Variants in RANBP2 observed in about 807,000 individuals in gnomAD.
The protein encoded by RANBP2 is RAN binding protein 2, also known as E3 SUMO-protein ligase RanBP2.
RANBP2 carries 57 observed loss-of-function variants against 303.6 expected under a neutral mutation model. The observed-to-expected ratio is 0.19, with a 90% CI of 0.15 to 0.23. The LOEUF is 0.23. Among genes scored for constraint, RANBP2 ranks in the 10% least tolerant of loss-of-function variants. RANBP2 has a pLI of 1.00. For missense variants in RANBP2, 3,138 were observed against 3,780.8 expected, an observed-to-expected ratio of 0.83 and a Z score of 4.46; for synonymous variants, 1,167 against 1,301.5, an observed-to-expected ratio of 0.90 and a Z score of 2.23.
chr2:109,621,648 C>T, the RANBP2 span, among the ~76,000 whole-genome samples: 5 of 151,974 alleles, frequency 3.3e-5, no homozygotes, highest in Non-Finnish European at 5.9e-5. Context: ...GTGCGGTGGC[C>T]TACACCTGTA....
chr2:109,703,024 G>T, the RANBP2 span, among the ~76,000 whole-genome samples: 1 of 152,074 alleles, frequency 6.6e-6, no homozygotes, highest in Non-Finnish European at 1.5e-5. Context: ...ATTTGGGGGT[G>T]GGGGCTAGGA....
the RANBP2 span, among the ~76,000 whole-genome samples, chr2:108,994,399 C>T: frequency 2.0e-5 from 3 of 152,278 alleles, no homozygotes; most frequent in African/African-American, 4.8e-5. Flanking sequence ...AATTGATCCT[C>T]GCTGAGAATG....
chr2:109,723,980 G>A, the RANBP2 span, among the ~76,000 whole-genome samples: 152 of 152,222 alleles, frequency 1.0e-3, 1 homozygote, highest in Non-Finnish European at 1.9e-3. Context: ...TCAATTTTCT[G>A]CTTATGGCTA....
the RANBP2 span, among the ~76,000 whole-genome samples, chr2:109,132,759 GT>G: frequency 6.6e-6 from 1 of 152,168 alleles, no homozygotes; most frequent in Non-Finnish European, 1.5e-5. Context: ...AGGCTAACTT[GT>G]TTGTTTATTG....
At position 108,755,038 on chromosome 2, in the gene RANBP2, C is replaced by G. The variant is rs780643942; in HGVS notation, c.2336C>G (p.Thr779Arg). ...GCAGATTCAGAAATAAAACATTCTACACCGTCTCCTACCAGATATTCACTA... is the reference window on the plus strand; with the variant it reads ...GCAGATTCAGAAATAAAACATTCTAGACCGTCTCCTACCAGATATTCACTA... ...RNADSEIKHSTPSPTRYSLSP... is the reference protein window; with the variant it reads ...RNADSEIKHSRPSPTRYSLSP... The change falls in exon 16 of 29, where the codon ACA becomes AGA. Residue 779 changes from threonine to arginine, a missense_variant. By Grantham distance (71) the Thr-to-Arg change is moderately conservative. Transcript: ENST00000283195. 1.2e-6 allele frequency: 2 copies of G among 1,611,924 alleles called. No individual in the cohort carries two copies. Among genetic ancestry groups the G allele is most frequent in the South Asian group, 2.2e-5 (2 of 90,988 alleles).
chr2:109,180,121 T>G, the RANBP2 span, among the ~76,000 whole-genome samples: 1 of 151,882 alleles, frequency 6.6e-6, no homozygotes, highest in African/African-American at 2.4e-5. Flanking sequence ...AGGAGAAGTT[T>G]TTTTTTTTTT....
At chr2:109,337,176 A>G in the RANBP2 span, among the ~76,000 whole-genome samples, 2 of 152,066 alleles carry the variant, frequency 1.3e-5, no homozygotes, top group Non-Finnish European at 2.9e-5. Flanking sequence ...TCATAGGGTG[A>G]TTTTTTCCTG....
chr2:109,624,160 T>A, the RANBP2 span, among the ~76,000 whole-genome samples: 1 of 152,124 alleles, frequency 6.6e-6, no homozygotes, highest in Non-Finnish European at 1.5e-5. Context: ...TACAAAATTG[T>A]TCTGAGATAA....
the RANBP2 span, among the ~76,000 whole-genome samples, chr2:109,225,114 A>G: frequency 0.16 from 24,665 of 152,068 alleles, 3,955 homozygotes; most frequent in African/African-American, 0.4. Flanking sequence ...TGACACCAGC[A>G]CAGTCCCTTA....
the RANBP2 span, among the ~76,000 whole-genome samples, chr2:109,520,282 T>C: frequency 6.6e-6 from 1 of 151,832 alleles, no homozygotes; most frequent in Non-Finnish European, 1.5e-5. Flanking sequence ...ATAATAAAGG[T>C]GGGTGGGAAT....
chr2:109,532,831 C>T, the RANBP2 span, among the ~76,000 whole-genome samples: 1 of 152,182 alleles, frequency 6.6e-6, no homozygotes, highest in Admixed American at 6.5e-5. Flanking sequence ...CGTGACGCCT[C>T]CTCTACCCTT....
At chr2:109,672,342 T>C in the RANBP2 span, among the ~76,000 whole-genome samples, 1 of 152,228 alleles carries the variant, frequency 6.6e-6, no homozygotes, top group East Asian at 1.9e-4. Context: ...TTCCACTTTA[T>C]GAGATCATTG....
chr2:109,201,901 C>T, the RANBP2 span, among the ~76,000 whole-genome samples: 11 of 152,304 alleles, frequency 7.2e-5, no homozygotes, highest in Admixed American at 1.3e-4. Context: ...GAGTCTGACA[C>T]ATCTGAAATC....
intron 8 of RANBP2, among the ~76,000 whole-genome samples, chr2:108,748,139 A>G (rs1675521324): frequency 6.6e-6 from 1 of 151,856 alleles, no homozygotes; most frequent in Non-Finnish European, 1.5e-5. Flanking sequence ...ATCCGAGACT[A>G]TGATTTTTTG....
At chr2:108,848,368 AT>A in the RANBP2 span, among the ~76,000 whole-genome samples, 1 of 152,168 alleles carries the variant, frequency 6.6e-6, no homozygotes, top group Non-Finnish European at 1.5e-5. Context: ...TGAAGTATGA[AT>A]ATTGGGAAGG....
chr2:109,281,503 C>T, the RANBP2 span, among the ~76,000 whole-genome samples: 5 of 152,184 alleles, frequency 3.3e-5, no homozygotes, highest in African/African-American at 1.2e-4. Context: ...CTGTGGGTGC[C>T]TTTCACCTGC....
the RANBP2 span, among the ~76,000 whole-genome samples, chr2:109,361,079 T>C: frequency 0.028 from 4,245 of 152,344 alleles, 88 homozygotes; most frequent in Non-Finnish European, 0.043. Flanking sequence ...TTTACTGATA[T>C]GAGCATGTGA....
At chr2:109,435,412 G>A in the RANBP2 span, among the ~76,000 whole-genome samples, 8 of 152,368 alleles carry the variant, frequency 5.3e-5, no homozygotes, top group East Asian at 1.9e-4. Context: ...GAGGGTAGGC[G>A]AAGGCCTACT....
At chr2:108,795,093 T>C in the RANBP2 span, among the ~76,000 whole-genome samples, 3 of 152,058 alleles carry the variant, frequency 2.0e-5, no homozygotes, top group East Asian at 5.8e-4. Flanking sequence ...CTCATCAAAA[T>C]TGAACTCTTA....
Sources: allele counts gnomAD v4.1 joint callset (sites outside exome capture counted in the v4.1 genomes callset), GRCh38; gene constraint gnomAD v4.1.1; transcripts MANE v1.5; gene names NCBI Gene and HGNC (gene_info 2026-07-23, HGNC 2026-07-21).